HIVEP3: variants seen among roughly 807,000 people sequenced by gnomAD.
HIVEP3 encodes the protein transcription factor HIVEP3.
A neutral mutation model predicts 152.8 loss-of-function variants in HIVEP3; 49 were observed. That is an observed-to-expected ratio of 0.32 (90% CI 0.26 to 0.41). The LOEUF (loss-of-function observed/expected upper bound fraction) is 0.41, where lower values mean the gene tolerates loss of function less well. HIVEP3 is among the 10% of genes least tolerant of loss of function. The probability of loss-of-function intolerance (pLI) is 1.00; values close to 1 mark genes in which losing one functional copy is unlikely to be tolerated. For synonymous variants in HIVEP3, 1,269 were observed against 1,289.0 expected (o/e 0.98, Z 0.33); for missense variants, 2,790 against 3,103.3 (o/e 0.90, Z 2.40).
chr1:41,577,005 C>T (rs368403115), intron 4 of HIVEP3, among the ~76,000 whole-genome samples: 2 of 152,160 alleles, frequency 1.3e-5, no homozygotes, highest in African/African-American at 4.8e-5. Flanking sequence ...TTCCACTGCA[C>T]CCCGGCCTGA....
intron 5 of HIVEP3, among the ~76,000 whole-genome samples, chr1:41,529,901 A>T (rs1643191411): frequency 8.4e-6 from 1 of 118,838 alleles, no homozygotes; most frequent in South Asian, 2.8e-4. Context: ...TCCCACAATC[A>T]AACCCACACA....
chr1:41,875,963 T>C (rs989927612), intron 1 of HIVEP3, among the ~76,000 whole-genome samples: 4 of 152,186 alleles, frequency 2.6e-5, no homozygotes, highest in Non-Finnish European at 5.9e-5. Flanking sequence ...GTCTGTCTTG[T>C]TCTCCACCTG....
chr1:41,689,561 G>T (rs1646164843), intron 2 of HIVEP3, among the ~76,000 whole-genome samples: 1 of 152,154 alleles, frequency 6.6e-6, no homozygotes, highest in Non-Finnish European at 1.5e-5. Context: ...GGGAGGAGTG[G>T]TAGGAAGCCA....
chr1:41,813,474 T>C (rs1446787400), intron 1 of HIVEP3, among the ~76,000 whole-genome samples: 1 of 152,240 alleles, frequency 6.6e-6, no homozygotes, highest in Non-Finnish European at 1.5e-5. Flanking sequence ...ACAGGGTGCC[T>C]GAGAGACTGT....
At chr1:41,794,751 CTATTT>C (rs1649891639) in intron 1 of HIVEP3, among the ~76,000 whole-genome samples, 1 of 152,080 alleles carries the variant, frequency 6.6e-6, no homozygotes, top group South Asian at 2.1e-4. Context: ...ATTTCTTTCT[CTATTT>C]TATATTTATT....
intron 5 of HIVEP3, among the ~76,000 whole-genome samples, chr1:41,527,099 C>A (rs1642982201): frequency 7.1e-6 from 1 of 140,778 alleles, no homozygotes; most frequent in Non-Finnish European, 1.6e-5. Context: ...CACACACCCA[C>A]ACTCACCCTC....
At chr1:41,563,073 C>T (rs940896724) in intron 5 of HIVEP3, among the ~76,000 whole-genome samples, 2 of 151,432 alleles carry the variant, frequency 1.3e-5, no homozygotes, top group Admixed American at 6.6e-5. Flanking sequence ...GGGGGTCGGG[C>T]GCATGGCTTA....
At chr1:41,682,552 A>G (rs1325710237) in intron 2 of HIVEP3, among the ~76,000 whole-genome samples, 1 of 152,216 alleles carries the variant, frequency 6.6e-6, no homozygotes, top group Non-Finnish European at 1.5e-5. Flanking sequence ...CAGACTTTCC[A>G]GAAACACCAA....
Position 41,580,230 on chromosome 1 carries a change from C to T in HIVEP3, c.4568G>A (p.Gly1523Glu). 6.2e-7 allele frequency: 1 copy of T among 1,612,944 alleles called. No individual in the cohort carries two copies. The highest frequency in any genetic ancestry group is 1.1e-5 in the South Asian group (1 of 90,870). ...PPLPHPALSH[G>E]TAPGSEALKE... ...CAAAGCTTCTGAGCCTGGGGCTGTC[C>T]CATGGGACAATGCAGGGTGAGGGAG... is the stretch of plus-strand genomic sequence containing the variant. Residue 1523 changes from glycine to glutamate, a missense_variant, in exon 4 of 9, where the codon GGG becomes GAG. Physicochemically the swap from Gly to Glu is moderately conservative, Grantham distance 98 (BLOSUM62 -2). Transcript: ENST00000372583.
At chr1:41,740,056 A>G (rs961473962) in intron 1 of HIVEP3, among the ~76,000 whole-genome samples, 2 of 152,244 alleles carry the variant, frequency 1.3e-5, no homozygotes, top group African/African-American at 4.8e-5. Flanking sequence ...TAACTTGCCC[A>G]AAGTCACACA....
intron 1 of HIVEP3, among the ~76,000 whole-genome samples, chr1:41,981,279 A>G (rs183264371): frequency 6.6e-6 from 1 of 152,336 alleles, no homozygotes; most frequent in East Asian, 1.9e-4. Flanking sequence ...AACAACACCT[A>G]AAATAGCCCT....
chr1:41,739,221 A>G (rs1382756223), intron 1 of HIVEP3, among the ~76,000 whole-genome samples: 1 of 152,212 alleles, frequency 6.6e-6, no homozygotes, highest in Non-Finnish European at 1.5e-5. Flanking sequence ...GGATTTCAAC[A>G]TCTCAAGCTG....
Position 41,560,428 on chromosome 1 carries a change from C to T in HIVEP3, c.5207+15116G>A, listed in dbSNP as rs112896001. Among the ~76,000 whole-genome samples the T allele has an allele frequency of 1.9e-3, 294 of 152,226 alleles. 2 individuals carry two copies. The highest frequency in any genetic ancestry group is 0.01 in the Middle Eastern group (3 of 294). ...ACGGGGTTGGGGGCAGAGTACCAGG[C>T]CCTGGGCAACTGTTTCATGCATCTG... On this transcript the variant is annotated intron_variant, in intron 5 of 8. Transcript: ENST00000372583.
intron 1 of HIVEP3, among the ~76,000 whole-genome samples, chr1:42,026,330 A>G (rs554351897): frequency 6.6e-6 from 1 of 152,320 alleles, no homozygotes; most frequent in Non-Finnish European, 1.5e-5. Flanking sequence ...CGCCAAAACT[A>G]AAGTCTATAT....
chr1:41,830,370 C>T (rs915494250), intron 1 of HIVEP3, among the ~76,000 whole-genome samples: 2 of 152,210 alleles, frequency 1.3e-5, no homozygotes, highest in African/African-American at 4.8e-5. Context: ...TTTTTATGTC[C>T]TTCAGTGGGA....
chr1:41,569,308 C>G (rs939164999), intron 5 of HIVEP3, among the ~76,000 whole-genome samples: 1 of 152,138 alleles, frequency 6.6e-6, no homozygotes, highest in Non-Finnish European at 1.5e-5. Context: ...AGTTTGTCTA[C>G]CTATGTTATA....
chr1:41,716,086 A>G (rs537750379), intron 1 of HIVEP3, among the ~76,000 whole-genome samples: 2 of 152,364 alleles, frequency 1.3e-5, no homozygotes, highest in South Asian at 4.1e-4. Context: ...GGAAAGCAGC[A>G]AAGGCCGGGC....
chr1:41,607,234 T>C (rs1325470399), intron 3 of HIVEP3, among the ~76,000 whole-genome samples: 1 of 152,234 alleles, frequency 6.6e-6, no homozygotes, highest in African/African-American at 2.4e-5. Context: ...TGATGGATAC[T>C]GAACCTCTGG....
chr1:41,570,616 A>T (rs1558070481), intron 5 of HIVEP3, among the ~76,000 whole-genome samples: 1 of 152,136 alleles, frequency 6.6e-6, no homozygotes, highest in African/African-American at 2.4e-5. Context: ...AGTTCTTTAT[A>T]GCAGTGTGAA....
Sources: gnomAD v4.1 joint callset for allele counts (sites outside exome capture counted in the v4.1 genomes callset) on GRCh38, gnomAD v4.1.1 for gene constraint, MANE v1.5 for transcripts, NCBI Gene and HGNC (gene_info 2026-07-23, HGNC 2026-07-21) for gene names.